TFAP2C: variants seen among roughly 807,000 people sequenced by gnomAD.
TFAP2C encodes transcription factor AP-2 gamma.
In TFAP2C, 9 loss-of-function variants were observed where a neutral mutation model predicts 42.9. The observed-to-expected ratio is 0.21, with a 90% CI of 0.13 to 0.37. TFAP2C has a LOEUF of 0.37. Among genes scored for constraint, TFAP2C ranks in the 10% least tolerant of loss-of-function variants. The pLI, the probability that TFAP2C is intolerant of heterozygous loss-of-function variation, is 1.00. For missense variants in TFAP2C, 462 were observed against 591.7 expected, an observed-to-expected ratio of 0.78 and a Z score of 2.27; for synonymous variants, 264 against 256.0, an observed-to-expected ratio of 1.03 and a Z score of -0.30.
At chr20:56,632,212 T>G (rs1345585768) in intron 3 of TFAP2C, among the ~76,000 whole-genome samples, 1 of 152,252 alleles carries the variant, frequency 6.6e-6, no homozygotes, top group Non-Finnish European at 1.5e-5. Context: ...GTTGAGTGGT[T>G]GGTTCTGTAA....
At chr20:56,633,066 A>G (rs1453812662) in intron 3 of TFAP2C, among the ~76,000 whole-genome samples, 1 of 152,184 alleles carries the variant, frequency 6.6e-6, no homozygotes, top group East Asian at 1.9e-4. Flanking sequence ...TCTACTAAAA[A>G]TACAAAAAAT....
chr20:56,636,831 C>T, intron 6 of TFAP2C, 77 bp downstream of exon 6: 1 of 1,463,502 alleles, frequency 6.8e-7, no homozygotes, highest in Non-Finnish European at 9.2e-7. Context: ...CCTCCACAGT[C>T]CCGATGGCTC....
In TFAP2C at chr20:56,634,158, C is replaced by T; in HGVS notation, c.812C>T (p.Ser271Leu). 1 of 1,611,162 alleles carries T rather than the reference C, an allele frequency of 6.2e-7. No individual in the cohort carries two copies. Residue 271 changes from serine (S) to leucine (L), a missense_variant, in exon 5 of 7, where the codon TCG becomes TTG. Coordinates refer to ENST00000201031, the MANE Select transcript of TFAP2C (RefSeq NM_003222.4). ...LLGGVLRRAK[S>L]KNGGRSLREK... ...ATTTTTCTTTTTCTTAGAGCCAAATCGAAAAATGGAGGCCGGTCCTTGCGG... is the reference window on the plus strand; with the variant it reads ...ATTTTTCTTTTTCTTAGAGCCAAATTGAAAAATGGAGGCCGGTCCTTGCGG...
intron 5 of TFAP2C, among the ~76,000 whole-genome samples, chr20:56,636,320 G>C (rs1344159397): frequency 6.6e-6 from 1 of 152,144 alleles, no homozygotes; most frequent in African/African-American, 2.4e-5. Flanking sequence ...TTGAGACCAG[G>C]AGCTCAAGAC....
rs1302639867 is a variant in TFAP2C, at chr20:56,638,496, GCTT to G, written c.*488_*490del. On this transcript the variant is annotated 3_prime_UTR_variant, in exon 7 of 7. Coordinates refer to ENST00000201031, the MANE Select transcript of TFAP2C (RefSeq NM_003222.4). ...TGAAAAAAAGAAAAGTGTGTATCTA[GCTT>G]CTTCAGAGATCAAGTCCTCTGGTAG... The G allele has an allele frequency of 6.4e-6, 1 of 156,982 alleles. No individual in the cohort carries two copies. Among genetic ancestry groups the G allele is most frequent in the African/African-American group, 2.4e-5 (1 of 41,268 alleles). 9.7% of individuals were successfully genotyped at this position (156,982 alleles called of 1,614,324 possible).
intron 5 of TFAP2C, among the ~76,000 whole-genome samples, chr20:56,634,987 C>T (rs974274185): frequency 2.6e-5 from 4 of 152,132 alleles, no homozygotes; most frequent in African/African-American, 4.8e-5. Context: ...TTACTGCTCC[C>T]GGGAAGAGTT....
In TFAP2C at chr20:56,631,597, C is replaced by T. The variant is rs1422948126; in HGVS notation, c.441C>T (p.Asp147=). The T allele has an allele frequency of 6.4e-7, 1 of 1,553,994 alleles. No homozygotes were observed. The highest frequency in any genetic ancestry group is 1.7e-4 in the Middle Eastern group (1 of 5,720). ...SARRDAYRRS[D]LLLPHAHALD... ...GCAGGGATGCCTACCGCCGCTCCGA[C>T]CTGCTGCTGCCCCACGCACACGCCC... is the stretch of plus-strand genomic sequence containing the variant. Residue 147 remains aspartate (D), a synonymous_variant, in exon 2 of 7, where the codon GAC becomes GAT. Coordinates refer to ENST00000201031, the MANE Select transcript of TFAP2C (RefSeq NM_003222.4). This position sits in a 1 kb window ranked among gnomAD's most constrained non-coding sequence, Gnocchi z 6.1.
intron 6 of TFAP2C, 87 bp downstream of exon 6, chr20:56,636,841 C>T: frequency 7.0e-7 from 1 of 1,425,872 alleles, no homozygotes; most frequent in Non-Finnish European, 9.4e-7. Flanking sequence ...CCCGATGGCT[C>T]AACAAAGAAA....
rs1034119571 is a variant in TFAP2C, at chr20:56,638,337, T to C, written c.*324T>C. 2 of 251,830 alleles carry C rather than the reference T, an allele frequency of 7.9e-6. No homozygotes were observed. Among genetic ancestry groups the C allele is most frequent in the Non-Finnish European group, 1.5e-5 (2 of 130,474 alleles). 15.6% of individuals were successfully genotyped at this position (251,830 alleles called of 1,614,324 possible). A position where few individuals can be genotyped will look rare whatever the true frequency, so the allele number is the denominator to read the frequency against. Reference sequence around the variant, plus strand: ...AAGTTTTAGAATCTTTTAAATACATTCCCTGGGCCAACAGACCCACACACT... The same window carrying C: ...AAGTTTTAGAATCTTTTAAATACATCCCCTGGGCCAACAGACCCACACACT... On this transcript the variant is annotated 3_prime_UTR_variant, in exon 7 of 7. Transcript: ENST00000201031.
Position 56,631,790 on chromosome 20 carries a change from T to C in TFAP2C, c.535-15T>C. The C allele has an allele frequency of 6.2e-7, 1 of 1,614,138 alleles. No individual in the cohort carries two copies. The highest frequency in any genetic ancestry group is 8.5e-7 in the Non-Finnish European group (1 of 1,180,018). ...CTCCCCCGAACTTAAGGGAATTTTG[T>C]CCTCTCTCCCCCAGAATGTCGACGA... On this transcript the variant is annotated splice_polypyrimidine_tract_variant and intron_variant, in intron 2 of 6. Transcript: ENST00000201031. The surrounding 1 kb of genome is among the most constrained non-coding windows in gnomAD (Gnocchi z 6.1).
Position 56,629,553 on chromosome 20 carries a change from G to GA in TFAP2C, c.13dup (p.Ile5AsnfsTer4). ...GGGGGACGCCGGACGCCATGTTGTGGAAAATAACCGATAATGTCAAGTACG... is the reference window on the plus strand; with the variant it reads ...GGGGGACGCCGGACGCCATGTTGTGGAAAAATAACCGATAATGTCAAGTACG... On this transcript the variant is annotated frameshift_variant, in exon 1 of 7. Coordinates refer to ENST00000201031, the MANE Select transcript of TFAP2C (RefSeq NM_003222.4). LOFTEE classifies it high-confidence loss of function. The surrounding 1 kb of genome is among the most constrained non-coding windows in gnomAD (Gnocchi z 5.9). 1 of 1,430,388 alleles carries GA rather than the reference G, an allele frequency of 7.0e-7. No homozygotes were observed. The highest frequency in any genetic ancestry group is 1.7e-5 in the South Asian group (1 of 58,384). The allele number at this position is 1,430,388 out of a possible 1,614,324, so 88.6% of individuals were successfully genotyped here. A position where few individuals can be genotyped will look rare whatever the true frequency, so the allele number is the denominator to read the frequency against.
chr20:56,629,563 G>C lies in TFAP2C; in HGVS notation c.19G>C (p.Asp7His), dbSNP rs1370672128. The C allele has an allele frequency of 7.0e-7, 1 of 1,426,888 alleles. No homozygotes were observed. The highest frequency in any genetic ancestry group is 9.2e-7 in the Non-Finnish European group (1 of 1,088,322). The allele number at this position is 1,426,888 out of a possible 1,614,324, so 88.4% of individuals were successfully genotyped here. The change falls in exon 1 of 7, where the codon GAT (aspartate) becomes CAT (histidine). Residue 7 changes from aspartate (D) to histidine (H), a missense_variant. Asp to His is a moderately conservative substitution (Grantham distance 81). This residue lies in a region of TFAP2C where 271 missense variants were observed against 269.7 expected (regional missense o/e 1.00). Transcript: ENST00000201031. The surrounding 1 kb of genome is among the most constrained non-coding windows in gnomAD (Gnocchi z 5.9). ...GGACGCCATGTTGTGGAAAATAACC[G>C]ATAATGTCAAGTACGAAGAGGACTG... Reference protein sequence around the residue: MLWKITDNVKYEEDCED... With the variant: MLWKITHNVKYEEDCED...
chr20:56,636,741 C>T lies in TFAP2C; in HGVS notation c.1054C>T (p.Leu352=). ...RNEMAARKNM[L]LAAQQLCKEF... ...TGAGATGGCAGCTAGGAAGAACATG[C>T]TATTGGCGGCCCAGTAAGTATCTGA... Residue 352 remains leucine, a synonymous_variant, in exon 6 of 7, where the codon CTA becomes TTA. Transcript: ENST00000201031. 2 of 1,613,138 alleles carry T rather than the reference C, an allele frequency of 1.2e-6. No individual in the cohort carries two copies. Among genetic ancestry groups the T allele is most frequent in the Non-Finnish European group, 1.7e-6 (2 of 1,179,660 alleles).
rs563631626 is a variant in TFAP2C at position 56,629,457 on chromosome 20, C to G, written c.-88C>G. The G allele has an allele frequency of 1.6e-6, 2 of 1,221,880 alleles. No homozygotes were observed. Among genetic ancestry groups the G allele is most frequent in the African/African-American group, 3.1e-5 (2 of 64,244 alleles). The allele number at this position is 1,221,880 out of a possible 1,614,324, so 75.7% of individuals were successfully genotyped here. A position where few individuals can be genotyped will look rare whatever the true frequency, so the allele number is the denominator to read the frequency against. On this transcript the variant is annotated 5_prime_UTR_variant, in exon 1 of 7. Transcript: ENST00000201031. The surrounding 1 kb of genome is among the most constrained non-coding windows in gnomAD (Gnocchi z 5.9). ...GCGGGGGCGGCGGCAGACGCCTGGT[C>G]ACCGTGACCCCGATTTTGGATTTAC...
At chr20:56,636,813 A>C (rs1323348972) in intron 6 of TFAP2C, 59 bp downstream of exon 6, 26 of 1,549,540 alleles carry the variant, frequency 1.7e-5, no homozygotes, top group Middle Eastern at 1.7e-4. Flanking sequence ...GAGGTTGAGA[A>C]GATTCCCCCT....
rs1171030583 is a variant in TFAP2C, at chr20:56,636,603, A to T, written c.923-7A>T. The stretch of plus-strand genomic sequence containing the variant: ...GCCATCCTAAAAGCTGTTGCTGATT[A>T]TTCTAGGTGAAGCTGTTCATTTGGC... On this transcript the variant is annotated splice_polypyrimidine_tract_variant and splice_region_variant and intron_variant, in intron 5 of 6. Transcript: ENST00000201031. 1 of 1,609,784 alleles carries T rather than the reference A, an allele frequency of 6.2e-7. No homozygotes were observed. Among genetic ancestry groups the T allele is most frequent in the Non-Finnish European group, 8.5e-7 (1 of 1,178,842 alleles).
Position 56,633,394 on chromosome 20 carries a change from CAGA to C in TFAP2C, c.631_633del (p.Lys211del). The stretch of plus-strand genomic sequence containing the variant: ...CAAGAACCCTCTGAACCTCCCCTGT[CAGA>C]AGGAGCTGGTGGGGGCCGTAATGAA... On this transcript the variant is annotated inframe_deletion, in exon 4 of 7. Transcript: ENST00000201031. 1 of 1,614,100 alleles carries C rather than the reference CAGA, an allele frequency of 6.2e-7. No individual in the cohort carries two copies. The highest frequency in any genetic ancestry group is 8.5e-7 in the Non-Finnish European group (1 of 1,180,010).
Position 56,631,488 on chromosome 20 carries a change from G to C in TFAP2C, c.332G>C (p.Gly111Ala). 6.6e-7 allele frequency: 1 copy of C among 1,516,006 alleles called. No individual in the cohort carries two copies. Among genetic ancestry groups the C allele is most frequent in the East Asian group, 2.6e-5 (1 of 39,208 alleles). The allele number at this position is 1,516,006 out of a possible 1,614,324, so 93.9% of individuals were successfully genotyped here. Residue 111 changes from glycine to alanine, a missense_variant, in exon 2 of 7, where the codon GGA (glycine) becomes GCA (alanine). By Grantham distance (60) the Gly-to-Ala change is moderately conservative. Coordinates refer to ENST00000201031, the MANE Select transcript of TFAP2C (RefSeq NM_003222.4). The surrounding 1 kb of genome is among the most constrained non-coding windows in gnomAD (Gnocchi z 6.1). ...TGGCCCGGCCGCCAGAGCCAGGAGGGAGCGGGGCTGCCCTCGCACCACGGG... is the reference window on the plus strand; with the variant it reads ...TGGCCCGGCCGCCAGAGCCAGGAGGCAGCGGGGCTGCCCTCGCACCACGGG... ...QAWPGRQSQE[G>A]AGLPSHHGRP...
In TFAP2C at chr20:56,633,495, A is replaced by C. The variant is rs1260851651; in HGVS notation, c.729A>C (p.Thr243=). The change falls in exon 4 of 7, where the codon ACA becomes ACC. Residue 243 remains threonine (T), a synonymous_variant. Coordinates refer to ENST00000201031, the MANE Select transcript of TFAP2C (RefSeq NM_003222.4). Reference sequence around the variant, plus strand: ...GCTCTACGTCTAAATACAAAGTGACAGTGGCTGAAGTACAGAGGCGACTGT... The same window carrying C: ...GCTCTACGTCTAAATACAAAGTGACCGTGGCTGAAGTACAGAGGCGACTGT... The part of the protein sequence containing the change: ...LLSSTSKYKV[T]VAEVQRRLSP... The C allele has an allele frequency of 4.3e-6, 7 of 1,614,214 alleles. No homozygotes were observed. The highest frequency in any genetic ancestry group is 5.1e-6 in the Non-Finnish European group (6 of 1,180,024).
Sources: allele counts gnomAD v4.1 joint callset (sites outside exome capture counted in the v4.1 genomes callset), GRCh38; gene constraint gnomAD v4.1.1; regional missense constraint gnomAD v4.1.1; non-coding constraint Gnocchi (gnomAD v3.1); transcripts MANE v1.5; gene names NCBI Gene and HGNC (gene_info 2026-07-23, HGNC 2026-07-21).